The following RAB6A variants were observed in gnomAD, a reference collection of about 807,000 sequenced individuals.
RAB6A encodes ras-related protein Rab-6A.
A neutral mutation model predicts 32.3 loss-of-function variants in RAB6A; 8 were observed. The observed-to-expected ratio is 0.25, with a 90% CI of 0.15 to 0.45. The LOEUF (loss-of-function observed/expected upper bound fraction) is 0.45, where lower values mean the gene tolerates loss of function less well. Among genes scored for constraint, RAB6A ranks in the 20% least tolerant of loss-of-function variants. The probability of loss-of-function intolerance (pLI) is 1.00; values close to 1 mark genes in which losing one functional copy is unlikely to be tolerated. For synonymous variants in RAB6A, 73 were observed against 82.1 expected (o/e 0.89, Z 0.60); for missense variants, 104 against 249.4 (o/e 0.42, Z 3.93).
At chr11:73,683,400 G>A (rs1945391054) in intron 6 of RAB6A, among the ~76,000 whole-genome samples, 1 of 150,050 alleles carries the variant, frequency 6.7e-6, no homozygotes, top group Non-Finnish European at 1.5e-5. Flanking sequence ...GGACTACAGG[G>A]GCATGCCACC....
At chr11:73,720,116 A>T (rs1296864895) in intron 3 of RAB6A, among the ~76,000 whole-genome samples, 1 of 151,660 alleles carries the variant, frequency 6.6e-6, no homozygotes, top group Non-Finnish European at 1.5e-5. Flanking sequence ...CAGATTTTAC[A>T]CTGTATTTAA....
At chr11:73,690,024 T>C (rs1945524561) in intron 6 of RAB6A, among the ~76,000 whole-genome samples, 2 of 152,226 alleles carry the variant, frequency 1.3e-5, no homozygotes, top group Admixed American at 6.5e-5. Flanking sequence ...AAAACTTCTT[T>C]TCACATGGTG....
intron 1 of RAB6A, among the ~76,000 whole-genome samples, chr11:73,741,809 T>TA (rs1946500094): frequency 6.6e-6 from 1 of 152,066 alleles, no homozygotes; most frequent in South Asian, 2.1e-4. Context: ...CAAAAAGAAA[T>TA]AAAAAATTAA....
At chr11:73,715,523 T>C (rs1946039817) in intron 5 of RAB6A, among the ~76,000 whole-genome samples, 1 of 152,210 alleles carries the variant, frequency 6.6e-6, no homozygotes, top group African/African-American at 2.4e-5. Context: ...TGAATTAATA[T>C]CACAAGTTCA....
rs182326442 is a variant in RAB6A, at chr11:73,712,309, A to G, written c.401+3942T>C. 9.1e-3 allele frequency among the ~76,000 whole-genome samples: 1,387 copies of G among 151,684 alleles called. 16 individuals are homozygous for G. The highest frequency in any genetic ancestry group is 0.035 in the Middle Eastern group (10 of 286). On this transcript the variant is annotated intron_variant, in intron 5 of 7. Transcript: ENST00000336083. ...ATTTTCCCCAGTGATTTGAGGTACC[A>G]CCTTCATACTTATTTTCCATATGAA... is the stretch of plus-strand genomic sequence containing the variant.
At chr11:73,704,695 A>G (rs1380533718) in intron 6 of RAB6A, among the ~76,000 whole-genome samples, 1 of 150,568 alleles carries the variant, frequency 6.6e-6, no homozygotes, top group East Asian at 2.0e-4. Context: ...AAAAAAATAA[A>G]TAAATAAAAA....
Position 73,682,640 on chromosome 11 carries a change from G to A in RAB6A, c.496-2920C>T, listed in dbSNP as rs574482744. 2.0e-5 allele frequency among the ~76,000 whole-genome samples: 3 copies of A among 152,238 alleles called. No homozygotes were observed. The South Asian group carries it at 6.2e-4, about 32-fold the overall frequency. ...ATGGTGCCACTGCACTCCACCCTGG[G>A]CAACAGAGCGAGACTCCATCTCAAA... On this transcript the variant is annotated intron_variant, in intron 6 of 7. Transcript: ENST00000336083.
chr11:73,706,022 C>T (rs1945836404), intron 6 of RAB6A, among the ~76,000 whole-genome samples: 1 of 151,892 alleles, frequency 6.6e-6, no homozygotes, highest in Non-Finnish European at 1.5e-5. Flanking sequence ...AGCATGAGCA[C>T]AGGTATCAAA....
At chr11:73,694,831 C>T (rs1324336268) in intron 6 of RAB6A, among the ~76,000 whole-genome samples, 11 of 152,078 alleles carry the variant, frequency 7.2e-5, no homozygotes, top group African/African-American at 2.4e-4. Flanking sequence ...CTGGCCAACA[C>T]GGCAAAACTC....
chr11:73,717,724 GTGAGC>G (rs1946072905), intron 4 of RAB6A, among the ~76,000 whole-genome samples: 1 of 152,198 alleles, frequency 6.6e-6, no homozygotes, highest in Non-Finnish European at 1.5e-5. Flanking sequence ...GATTTCCGGC[GTGAGC>G]CACTGTGCCC....
chr11:73,760,145 G>A (rs1457832897), intron 1 of RAB6A: 29 of 1,281,324 alleles, frequency 2.3e-5, no homozygotes, highest in Admixed American at 6.9e-5. Flanking sequence ...CCCGCTCTCG[G>A]GAGTGGGGCT....
At chr11:73,711,666 TA>T (rs751835175) in intron 5 of RAB6A, among the ~76,000 whole-genome samples, 8 of 152,246 alleles carry the variant, frequency 5.3e-5, no homozygotes, top group Non-Finnish European at 8.8e-5. Flanking sequence ...GGTCAAAGGC[TA>T]AATGTCGATA....
chr11:73,740,577 AAAGTT>A (rs1403966343), intron 1 of RAB6A, among the ~76,000 whole-genome samples: 1 of 150,262 alleles, frequency 6.7e-6, no homozygotes, highest in Non-Finnish European at 1.5e-5. Flanking sequence ...TGTTTCTCCT[AAAGTT>A]AATTTAAAAA....
chr11:73,692,594 A>T (rs1945587616), intron 6 of RAB6A, among the ~76,000 whole-genome samples: 1 of 151,388 alleles, frequency 6.6e-6, no homozygotes, highest in Non-Finnish European at 1.5e-5. Context: ...TCAAACTTAC[A>T]TGCATAAGAG....
chr11:73,727,971 CTTT>C (rs779528646), intron 2 of RAB6A, among the ~76,000 whole-genome samples: 1 of 151,896 alleles, frequency 6.6e-6, no homozygotes, highest in Admixed American at 6.6e-5. Context: ...AACTTGTTTT[CTTT>C]TTTTAACTTA....
intron 2 of RAB6A, among the ~76,000 whole-genome samples, chr11:73,725,636 C>T (rs1946205143): frequency 6.6e-6 from 1 of 152,048 alleles, no homozygotes; most frequent in Non-Finnish European, 1.5e-5. Context: ...TATTCATTAC[C>T]ACGAGAACAG....
intron 2 of RAB6A, chr11:73,722,321 ATATATATATATATATATATATAT>A (rs1946147676): frequency 9.3e-5 from 1 of 10,794 alleles, no homozygotes; most frequent in African/African-American, 1.7e-4. Flanking sequence ...ATATATATAT[ATATATATATATATATATATATAT>A]TTTTTTTTTT....
At chr11:73,725,036 T>C (rs912406158) in intron 2 of RAB6A, among the ~76,000 whole-genome samples, 4 of 152,244 alleles carry the variant, frequency 2.6e-5, no homozygotes, top group African/African-American at 7.2e-5. Flanking sequence ...CAGTTAGGGA[T>C]TGGCTTTTGA....
chr11:73,690,111 C>T (rs1945526767), intron 6 of RAB6A, among the ~76,000 whole-genome samples: 1 of 152,258 alleles, frequency 6.6e-6, no homozygotes, highest in African/African-American at 2.4e-5. Context: ...GCATAGAATA[C>T]AAGCCCAGAA....
Sources: allele counts gnomAD v4.1 joint callset (sites outside exome capture counted in the v4.1 genomes callset), GRCh38; gene constraint gnomAD v4.1.1; transcripts MANE v1.5; gene names NCBI Gene and HGNC (gene_info 2026-07-23, HGNC 2026-07-21).